RGS9: variants seen among roughly 807,000 people sequenced by gnomAD.
RGS9 encodes the protein regulator of G protein signaling 9, also known as regulator of G-protein signalling 9.
RGS9 carries 78 observed loss-of-function variants against 102.0 expected under a neutral mutation model. The ratio of observed to expected loss-of-function variants is 0.76; its 90% CI spans 0.64 to 0.92. RGS9 has a LOEUF of 0.92. RGS9 is among the 40% of genes least tolerant of loss of function. The pLI is 0.00. For synonymous variants in RGS9, 353 were observed against 318.6 expected, an observed-to-expected ratio of 1.11 and a Z score of -1.15; for missense variants, 833 against 866.1, an observed-to-expected ratio of 0.96 and a Z score of 0.48.
intron 17 of RGS9, among the ~76,000 whole-genome samples, chr17:65,223,016 G>C (rs1905428006): frequency 6.6e-6 from 1 of 152,162 alleles, no homozygotes; most frequent in Non-Finnish European, 1.5e-5. Flanking sequence ...GGTGTCCCTG[G>C]AGGAATGGCT....
Position 65,153,510 on chromosome 17 carries a change from C to T in RGS9, c.146C>T (p.Ala49Val). Residue 49 changes from alanine (A) to valine (V), a missense_variant, in exon 2 of 19, where the codon GCC (alanine) becomes GTC (valine). Transcript: ENST00000262406. ...GTCCTGGTCACCAGCGTTCCTCATG[C>T]CATGACAGGTGATGTAGCTTGCACT... ...QRVLVTSVPH[A>V]MTGSDVLQWI... is the part of the protein sequence containing the mutation. 1 of 1,613,096 alleles carries T rather than the reference C, an allele frequency of 6.2e-7. No homozygotes were observed. The highest frequency in any genetic ancestry group is 8.5e-7 in the Non-Finnish European group (1 of 1,178,978).
At chr17:65,145,186 G>A (rs920882104) in intron 1 of RGS9, among the ~76,000 whole-genome samples, 1 of 152,104 alleles carries the variant, frequency 6.6e-6, no homozygotes, top group African/African-American at 2.4e-5. Context: ...CACCGCCCGG[G>A]TTCAAGCGAT....
intron 11 of RGS9, 36 bp downstream of exon 11, chr17:65,190,272 A>G: frequency 6.6e-7 from 1 of 1,520,062 alleles, no homozygotes; most frequent in African/African-American, 1.4e-5. Context: ...CTAAAGTCTG[A>G]TGAACAGGTA....
rs553048071 is a variant in RGS9 at position 65,220,101 on chromosome 17, ACACCATCAT to A, written c.1408-4887_1408-4879del. ...CCTCACCATCACCATCACCATTAATACACCATCATCACCATCATCACCTAGTAGCTTCAG... is the reference window on the plus strand; with the variant it reads ...CCTCACCATCACCATCACCATTAATACACCATCATCACCTAGTAGCTTCAG... On this transcript the variant is annotated intron_variant, in intron 17 of 18. Transcript: ENST00000262406. Among the ~76,000 whole-genome samples, 774 of 152,098 alleles carry A rather than the reference ACACCATCAT, an allele frequency of 5.1e-3. 8 individuals are homozygous for A. Among genetic ancestry groups the A allele is most frequent in the African/African-American group, 0.017 (710 of 41,510 alleles).
chr17:65,211,880 A>G (rs1913318432), intron 17 of RGS9, among the ~76,000 whole-genome samples: 1 of 152,218 alleles, frequency 6.6e-6, no homozygotes, highest in Admixed American at 6.5e-5. Context: ...CTGTGTGACA[A>G]TCAACCAGAA....
rs551606653 is a variant in RGS9, at chr17:65,223,228, C to T, written c.1408-1774C>T. On this transcript the variant is annotated intron_variant, in intron 17 of 18. Transcript: ENST00000262406. ...CAGGGCCTCACATTTGCTGTGTTCT[C>T]ACTGTGAATTAATGATGTGATTGTT... 2.6e-5 allele frequency among the ~76,000 whole-genome samples: 4 copies of T among 152,332 alleles called. No individual in the cohort carries two copies. The East Asian group carries it at 7.7e-4, about 29-fold the overall frequency.
At chr17:65,192,533 G>C (rs1489680130) in intron 11 of RGS9, among the ~76,000 whole-genome samples, 1 of 151,818 alleles carries the variant, frequency 6.6e-6, no homozygotes, top group African/African-American at 2.4e-5. Context: ...AGGACGGCTT[G>C]AGCTGGGGAG....
intron 17 of RGS9, among the ~76,000 whole-genome samples, chr17:65,223,816 T>C (rs954205625): frequency 2.6e-5 from 4 of 151,388 alleles, no homozygotes; most frequent in African/African-American, 9.7e-5. Flanking sequence ...AGTGACGCGA[T>C]CTCGGCTCAC....
intron 7 of RGS9, among the ~76,000 whole-genome samples, chr17:65,165,343 G>A (rs942136646): frequency 1.3e-5 from 2 of 152,152 alleles, no homozygotes; most frequent in Non-Finnish European, 2.9e-5. Flanking sequence ...CTTGGAATGA[G>A]CGATTCCTAA....
chr17:65,176,749 AT>A (rs879495952), intron 8 of RGS9, among the ~76,000 whole-genome samples: 4,170 of 145,958 alleles, frequency 0.029, 97 homozygotes, highest in African/African-American at 0.07. Flanking sequence ...CCATCCATCC[AT>A]CCACCCATCC....
intron 16 of RGS9, among the ~76,000 whole-genome samples, chr17:65,209,807 G>T (rs958719045): frequency 6.6e-6 from 1 of 152,210 alleles, no homozygotes; most frequent in Non-Finnish European, 1.5e-5. Context: ...GCCAGGCGCA[G>T]TGACTCACGC....
At position 65,177,933 on chromosome 17, in the gene RGS9, C is replaced by T. The variant is rs76544617; in HGVS notation, c.654+130C>T. On this transcript the variant is annotated intron_variant, in intron 9 of 18. Coordinates refer to ENST00000262406, the MANE Select transcript of RGS9 (RefSeq NM_003835.4). ...TTGAGACTATCAAAGAGAGGAGGAC[C>T]GTGGGCTCTGTGGACTCAGGGTTAG... 5.6e-3 allele frequency: 4,354 copies of T among 783,062 alleles called. 119 individuals are homozygous for T. In the African/African-American group the frequency reaches 0.064, roughly 12 times the overall value. The allele number at this position is 783,062 out of a possible 1,614,324, so 48.5% of individuals were successfully genotyped here.
chr17:65,199,445 T>C (rs887237187), intron 13 of RGS9, among the ~76,000 whole-genome samples: 1 of 152,010 alleles, frequency 6.6e-6, no homozygotes, highest in Non-Finnish European at 1.5e-5. Context: ...CATAATGTTT[T>C]CAAGGCTTGT....
intron 18 of RGS9, among the ~76,000 whole-genome samples, chr17:65,225,765 C>T (rs1332166546): frequency 6.6e-6 from 1 of 152,244 alleles, no homozygotes; most frequent in African/African-American, 2.4e-5. Context: ...CTTCCACTCA[C>T]ATTGTCCCAT....
rs1327180360 is a variant in RGS9 at position 65,213,706 on chromosome 17, C to T, written c.1407+3101C>T. The stretch of plus-strand genomic sequence containing the variant: ...TGTGCTCCAGTTATCTCTCATTCTC[C>T]CACAGGCTACTATGTGCTCTGTGTC... On this transcript the variant is annotated intron_variant, in intron 17 of 18. Coordinates refer to ENST00000262406, the MANE Select transcript of RGS9 (RefSeq NM_003835.4). Among the ~76,000 whole-genome samples the T allele has an allele frequency of 7.2e-5, 11 of 152,080 alleles. 1 individual carries two copies. The highest frequency in any genetic ancestry group is 1.6e-4 in the Non-Finnish European group (11 of 68,018).
chr17:65,175,013 A>G (rs1911571498), intron 8 of RGS9, among the ~76,000 whole-genome samples: 1 of 152,032 alleles, frequency 6.6e-6, no homozygotes. Context: ...CTCTCCCTCA[A>G]TCCCTGGGGA....
At chr17:65,177,005 C>G (rs1038778431) in intron 8 of RGS9, among the ~76,000 whole-genome samples, 1 of 151,426 alleles carries the variant, frequency 6.6e-6, no homozygotes, top group African/African-American at 2.4e-5. Flanking sequence ...CCATTCCATT[C>G]CTTCATCCAT....
intron 8 of RGS9, among the ~76,000 whole-genome samples, chr17:65,172,964 C>T (rs1434043027): frequency 1.3e-5 from 2 of 151,480 alleles, no homozygotes; most frequent in African/African-American, 2.4e-5. Context: ...GCCCTATTGC[C>T]CAGGCTGGAG....
In RGS9 at chr17:65,225,357, G is replaced by A. The variant is rs1271937692; in HGVS notation, c.1763G>A (p.Arg588Gln). The A allele has an allele frequency of 7.4e-6, 12 of 1,611,598 alleles. No homozygotes were observed. The highest frequency in any genetic ancestry group is 3.3e-5 in the Admixed American group (2 of 60,014). The change falls in exon 18 of 19, where the codon CGA becomes CAA. Residue 588 changes from arginine (R) to glutamine (Q), a missense_variant. Physicochemically the swap from Arg to Gln is conservative, Grantham distance 43. This residue lies in a region of RGS9 where 320 missense variants were observed against 276.8 expected (regional missense o/e 1.16). Coordinates refer to ENST00000262406, the MANE Select transcript of RGS9 (RefSeq NM_003835.4). ...CTGTCCTTCAGCAGGTTTCTGAGAC[G>A]AGGCTGTCTGGCCTCACCTGTCTTT... ...MALSFSRFLR[R>Q]GCLASPVFAR... is the part of the protein sequence containing the mutation.
Sources: allele counts gnomAD v4.1 joint callset (sites outside exome capture counted in the v4.1 genomes callset), GRCh38; gene constraint gnomAD v4.1.1; regional missense constraint gnomAD v4.1.1; transcripts MANE v1.5; gene names NCBI Gene and HGNC (gene_info 2026-07-23, HGNC 2026-07-21).